Variants in TCF19 observed in about 807,000 individuals in gnomAD.
The protein encoded by TCF19 is transcription factor SC1.
Under a neutral mutation model 18.3 loss-of-function variants are expected in TCF19, and 9 were observed. The observed-to-expected ratio is 0.49, with a 90% CI of 0.30 to 0.86. The LOEUF is 0.86. TCF19 is among the 40% of genes least tolerant of loss of function. The pLI, the probability that TCF19 is intolerant of heterozygous loss-of-function variation, is 0.07. For missense variants in TCF19, 376 were observed against 464.3 expected, an observed-to-expected ratio of 0.81 and a Z score of 1.75; for synonymous variants, 176 against 185.3, an observed-to-expected ratio of 0.95 and a Z score of 0.41.
In TCF19 at chr6:31,161,522, G is replaced by T; in HGVS notation, c.314G>T (p.Gly105Val). 6.4e-7 allele frequency: 1 copy of T among 1,556,714 alleles called. No individual in the cohort carries two copies. Among genetic ancestry groups the T allele is most frequent in the South Asian group, 1.2e-5 (1 of 80,870 alleles). ...ELSDGDLLTF[G>V]PEGPPGTSPS... ...AGTGATGGAGACCTCCTGACCTTTG[G>T]CCCTGAAGGGCCCCCAGGAACCAGC... The change falls in exon 3 of 4, where the codon GGC becomes GTC. Residue 105 changes from glycine (G) to valine (V), a missense_variant. By Grantham distance (109) the Gly-to-Val change is moderately radical. Coordinates refer to ENST00000376257, the MANE Select transcript of TCF19 (RefSeq NM_007109.3).
chr6:31,162,130 C>G lies in TCF19; in HGVS notation c.797+125C>G. 1.8e-6 allele frequency: 2 copies of G among 1,117,624 alleles called. No homozygotes were observed. The highest frequency in any genetic ancestry group is 2.5e-6 in the Non-Finnish European group (2 of 806,196). 69.2% of individuals were successfully genotyped at this position (1,117,624 alleles called of 1,614,324 possible). On this transcript the variant is annotated intron_variant, in intron 3 of 3. Transcript: ENST00000376257. This position sits in a 1 kb window ranked among gnomAD's most constrained non-coding sequence, Gnocchi z 4.5. ...ACGGGAGGTGGAATAGATGGAATGG[C>G]AAGACCTGGGTTAGCTCTGATAGGA...
Position 31,162,898 on chromosome 6 carries a change from A to T in TCF19, c.*181A>T, listed in dbSNP as rs1343864221. 15 of 1,414,286 alleles carry T rather than the reference A, an allele frequency of 1.1e-5. No homozygotes were observed. Among genetic ancestry groups the T allele is most frequent in the Non-Finnish European group, 1.2e-5 (13 of 1,089,170 alleles). 87.6% of individuals were successfully genotyped at this position (1,414,286 alleles called of 1,614,324 possible). ...AGCAGACCCTGGTGGCCAAGACAGA[A>T]GAGATGGTTTCCTGCCAAAGATATT... On this transcript the variant is annotated 3_prime_UTR_variant, in exon 4 of 4. Transcript: ENST00000376257. The surrounding 1 kb of genome is among the most constrained non-coding windows in gnomAD (Gnocchi z 4.5).
chr6:31,164,161 T>C lies in TCF19; in HGVS notation c.*1444T>C, dbSNP rs1030761409. 13 of 1,098,428 alleles carry C rather than the reference T, an allele frequency of 1.2e-5. No homozygotes were observed. In the Admixed American group the frequency reaches 2.3e-4, roughly 20 times the overall value. 68.0% of individuals were successfully genotyped at this position (1,098,428 alleles called of 1,614,324 possible). ...GGCAAAAGTTCTTGCATCACAGGCTTTTGGGAACTAGCCTATCACAGGGCC... is the reference window on the plus strand; with the variant it reads ...GGCAAAAGTTCTTGCATCACAGGCTCTTGGGAACTAGCCTATCACAGGGCC... On this transcript the variant is annotated 3_prime_UTR_variant, in exon 4 of 4. Coordinates refer to ENST00000376257, the MANE Select transcript of TCF19 (RefSeq NM_007109.3).
chr6:31,162,092 T>C lies in TCF19; in HGVS notation c.797+87T>C. On this transcript the variant is annotated intron_variant, in intron 3 of 3. Transcript: ENST00000376257. This position sits in a 1 kb window ranked among gnomAD's most constrained non-coding sequence, Gnocchi z 4.5. ...TAGGCTGTGAGGAGGTCCCCCTGCCTGGGGGGATGGGCACGGGAGGTGGAA... is the reference window on the plus strand; with the variant it reads ...TAGGCTGTGAGGAGGTCCCCCTGCCCGGGGGGATGGGCACGGGAGGTGGAA... 1.5e-6 allele frequency: 2 copies of C among 1,376,958 alleles called. No homozygotes were observed. Among genetic ancestry groups the C allele is most frequent in the Non-Finnish European group, 2.0e-6 (2 of 1,022,732 alleles). 85.3% of individuals were successfully genotyped at this position (1,376,958 alleles called of 1,614,324 possible).
chr6:31,159,771 GTCT>G, intron 2 of TCF19, 64 bp downstream of exon 2: 1 of 1,549,368 alleles, frequency 6.5e-7, no homozygotes, highest in East Asian at 2.2e-5. Context: ...AATGAGTAAG[GTCT>G]CCACAAGACC....
At position 31,159,331 on chromosome 6, in the gene TCF19, C is replaced by G. The variant is rs1325031899; in HGVS notation, c.-139C>G. 17 of 802,332 alleles carry G rather than the reference C, an allele frequency of 2.1e-5. No individual in the cohort carries two copies. The highest frequency in any genetic ancestry group is 3.1e-5 in the Non-Finnish European group (16 of 509,062). The allele number at this position is 802,332 out of a possible 1,614,324, so 49.7% of individuals were successfully genotyped here. A position where few individuals can be genotyped will look rare whatever the true frequency, so the allele number is the denominator to read the frequency against. ...ATTTGGGCTATTCAGGTAGTGTGCT[C>G]AAAGTTGAAACCGCATACAGCACAA... On this transcript the variant is annotated 5_prime_UTR_variant, in exon 2 of 4. Coordinates refer to ENST00000376257, the MANE Select transcript of TCF19 (RefSeq NM_007109.3).
Position 31,163,770 on chromosome 6 carries a change from T to C in TCF19, c.*1053T>C, listed in dbSNP as rs1281290032. 1 of 985,324 alleles carries C rather than the reference T, an allele frequency of 1.0e-6. No homozygotes were observed. The highest frequency in any genetic ancestry group is 1.2e-6 in the Non-Finnish European group (1 of 829,960). 61.0% of individuals were successfully genotyped at this position (985,324 alleles called of 1,614,324 possible). On this transcript the variant is annotated 3_prime_UTR_variant, in exon 4 of 4. Coordinates refer to ENST00000376257, the MANE Select transcript of TCF19 (RefSeq NM_007109.3). ...ATAGAAATAAAGCCTTATCTTGACC[T>C]GTTCTATTAAAACCTGCCACACCCG... is the stretch of plus-strand genomic sequence containing the variant.
At position 31,158,889 on chromosome 6, in the gene TCF19, G is replaced by T. The variant is rs1776516207; in HGVS notation, c.-573-8G>T. On this transcript the variant is annotated splice_region_variant and splice_polypyrimidine_tract_variant and intron_variant, in intron 1 of 3. Coordinates refer to ENST00000376257, the MANE Select transcript of TCF19 (RefSeq NM_007109.3). Reference sequence around the variant, plus strand: ...GACTCGTTTGCACTTTCTTTTGGGGGATGACAGTGGATTCATTGCCCTCGG... The same window carrying T: ...GACTCGTTTGCACTTTCTTTTGGGGTATGACAGTGGATTCATTGCCCTCGG... 6.6e-6 allele frequency: 1 copy of T among 152,466 alleles called. No homozygotes were observed. 9.4% of individuals were successfully genotyped at this position (152,466 alleles called of 1,614,324 possible). A position where few individuals can be genotyped will look rare whatever the true frequency, so the allele number is the denominator to read the frequency against.
Position 31,159,644 on chromosome 6 carries a change from G to T in TCF19, c.175G>T (p.Glu59Ter), listed in dbSNP as rs371294185. The part of the protein sequence containing the change: ...EPGLISGIHA[E>*]LHAEPRGDDW... ...TGGCCTCATCTCTGGGATCCACGCCGAACTGCATGCCGAGCCCCGGGGTGA... is the reference window on the plus strand; with the variant it reads ...TGGCCTCATCTCTGGGATCCACGCCTAACTGCATGCCGAGCCCCGGGGTGA... The change falls in exon 2 of 4, where the codon GAA becomes TAA. Residue 59 changes from glutamate (E) to a stop codon, truncating the protein, a stop_gained. Transcript: ENST00000376257. LOFTEE classifies it high-confidence loss of function. The T allele has an allele frequency of 9.2e-5, 148 of 1,614,024 alleles. No homozygotes were observed. Among genetic ancestry groups the T allele is most frequent in the Admixed American group, 4.5e-4 (27 of 60,030 alleles).
Position 31,162,304 on chromosome 6 carries a change from T to G in TCF19, c.798-173T>G, listed in dbSNP as rs1305971649. Among the ~76,000 whole-genome samples the G allele has an allele frequency of 6.6e-6, 1 of 152,110 alleles. No homozygotes were observed. Among genetic ancestry groups the G allele is most frequent in the African/African-American group, 2.4e-5 (1 of 41,418 alleles). ...GGATGGGGAACTTTCAGGCTCATAC[T>G]AGAGGTTTTTAGGCCCACCCTATGT... is the stretch of plus-strand genomic sequence containing the variant. On this transcript the variant is annotated intron_variant, in intron 3 of 3. Coordinates refer to ENST00000376257, the MANE Select transcript of TCF19 (RefSeq NM_007109.3). The surrounding 1 kb of genome is among the most constrained non-coding windows in gnomAD (Gnocchi z 4.5).
rs1561840951 is a variant in TCF19, at chr6:31,159,563, C to G, written c.94C>G (p.Arg32Gly). ...HPPAGAGCTY[R>G]LGHRADLCDV... ...CCCCGCCGGGGCTGGCTGCACCTAT[C>G]GCTTGGGCCACAGGGCCGACCTGTG... Residue 32 changes from arginine to glycine, a missense_variant, in exon 2 of 4, where the codon CGC becomes GGC. By Grantham distance (125) the Arg-to-Gly change is moderately radical (BLOSUM62 -2). Coordinates refer to ENST00000376257, the MANE Select transcript of TCF19 (RefSeq NM_007109.3). 1.2e-6 allele frequency: 2 copies of G among 1,611,596 alleles called. No homozygotes were observed. The highest frequency in any genetic ancestry group is 1.1e-5 in the South Asian group (1 of 90,818).
Position 31,163,324 on chromosome 6 carries a change from T to C in TCF19, c.*607T>C. On this transcript the variant is annotated 3_prime_UTR_variant, in exon 4 of 4. Transcript: ENST00000376257. Reference sequence around the variant, plus strand: ...TGCTTGGCAAGGTCTGGAGAACTAATTCAGAATCTTAGGGGAAGGGGAGAG... The same window carrying C: ...TGCTTGGCAAGGTCTGGAGAACTAACTCAGAATCTTAGGGGAAGGGGAGAG... 1.0e-6 allele frequency: 1 copy of C among 986,044 alleles called. No individual in the cohort carries two copies. The highest frequency in any genetic ancestry group is 1.2e-6 in the Non-Finnish European group (1 of 830,392). 61.1% of individuals were successfully genotyped at this position (986,044 alleles called of 1,614,324 possible).
chr6:31,159,497 A>T lies in TCF19; in HGVS notation c.28A>T (p.Ile10Leu). 6.3e-7 allele frequency: 1 copy of T among 1,585,994 alleles called. No individual in the cohort carries two copies. The highest frequency in any genetic ancestry group is 8.6e-7 in the Non-Finnish European group (1 of 1,166,838). MLPCFQLLR[I>L]GGGRGGDLYT... is the part of the protein sequence containing the mutation. ...GCTGCCCTGCTTCCAACTGCTGCGC[A>T]TAGGGGGCGGCAGGGGCGGTGATCT... is the stretch of plus-strand genomic sequence containing the variant. Residue 10 changes from isoleucine to leucine, a missense_variant, in exon 2 of 4, where the codon ATA becomes TTA. By Grantham distance (5) the Ile-to-Leu change is conservative. Transcript: ENST00000376257.
chr6:31,159,728 CT>C, intron 2 of TCF19, 21 bp downstream of exon 2: 1 of 1,612,648 alleles, frequency 6.2e-7, no homozygotes, highest in Admixed American at 1.7e-5. Flanking sequence ...AGCAGGGCAG[CT>C]TTGCCCCTGG....
rs1776772068 is a variant in TCF19, at chr6:31,161,507, ACCT to A, written c.303_305del (p.Leu102del). The A allele has an allele frequency of 6.6e-7, 1 of 1,510,560 alleles. No homozygotes were observed. The allele number at this position is 1,510,560 out of a possible 1,614,324, so 93.6% of individuals were successfully genotyped here. On this transcript the variant is annotated inframe_deletion, in exon 3 of 4. Transcript: ENST00000376257. ...CACAGGCTGGAATTGAGTGATGGAG[ACCT>A]CCTGACCTTTGGCCCTGAAGGGCCC...
At position 31,158,646 on chromosome 6, in the gene TCF19, G is replaced by A. The variant is rs1776481625; in HGVS notation, c.-650G>A. 1 of 152,278 alleles carries A rather than the reference G, an allele frequency of 6.6e-6. No homozygotes were observed. The highest frequency in any genetic ancestry group is 2.4e-5 in the African/African-American group (1 of 41,478). The allele number at this position is 152,278 out of a possible 1,614,324, so 9.4% of individuals were successfully genotyped here. On this transcript the variant is annotated 5_prime_UTR_variant, in exon 1 of 4. Transcript: ENST00000376257. ...CAGCAACGTCGGCTCCTGCCGAGGA[G>A]CCCAAGGGGTCCCGGGATCCGCCGC...
At position 31,159,370 on chromosome 6, in the gene TCF19, C is replaced by T. The variant is rs1412442409; in HGVS notation, c.-100C>T. 3 of 1,114,708 alleles carry T rather than the reference C, an allele frequency of 2.7e-6. No individual in the cohort carries two copies. The African/African-American group carries it at 4.7e-5, about 18-fold the overall frequency. The allele number at this position is 1,114,708 out of a possible 1,614,324, so 69.1% of individuals were successfully genotyped here. A position where few individuals can be genotyped will look rare whatever the true frequency, so the allele number is the denominator to read the frequency against. ...CATACAGCACAACTCAAGTTTGCAT[C>T]AGACTGGGAAGCGAACTTAAGCCAG... is the stretch of plus-strand genomic sequence containing the variant. On this transcript the variant is annotated 5_prime_UTR_variant, in exon 2 of 4. Coordinates refer to ENST00000376257, the MANE Select transcript of TCF19 (RefSeq NM_007109.3).
Position 31,162,510 on chromosome 6 carries a change from G to A in TCF19, c.831G>A (p.Val277=), listed in dbSNP as rs751763874. ...GTGGCCGTCCTCGGAAGTACCCAGT[G>A]AGCGCTCCCATGGCTCCCCCTGCAG... is the stretch of plus-strand genomic sequence containing the variant. The part of the protein sequence containing the change: ...NRRGRPRKYP[V]SAPMAPPAVG... The change falls in exon 4 of 4, where the codon GTG becomes GTA. Residue 277 remains valine (V), a synonymous_variant. Coordinates refer to ENST00000376257, the MANE Select transcript of TCF19 (RefSeq NM_007109.3). This position sits in a 1 kb window ranked among gnomAD's most constrained non-coding sequence, Gnocchi z 4.5. 79 of 1,612,304 alleles carry A rather than the reference G, an allele frequency of 4.9e-5. No homozygotes were observed. The highest frequency in any genetic ancestry group is 1.6e-4 in the Middle Eastern group (1 of 6,084).
rs1246745247 is a variant in TCF19 at position 31,161,657 on chromosome 6, G to A, written c.449G>A (p.Arg150Gln). 9.8e-6 allele frequency: 15 copies of A among 1,527,040 alleles called. No homozygotes were observed. Among genetic ancestry groups the A allele is most frequent in the East Asian group, 2.3e-5 (1 of 43,834 alleles). The allele number at this position is 1,527,040 out of a possible 1,614,324, so 94.6% of individuals were successfully genotyped here. The change falls in exon 3 of 4, where the codon CGG (arginine) becomes CAG (glutamine). Residue 150 changes from arginine (R) to glutamine (Q), a missense_variant. Physicochemically the swap from Arg to Gln is conservative, Grantham distance 43. Coordinates refer to ENST00000376257, the MANE Select transcript of TCF19 (RefSeq NM_007109.3). Reference sequence around the variant, plus strand: ...GAAGCCCGGGTTGGGGCTGGTTTCCGGCCTATGCTGCCCTCCCAGGGGGCT... The same window carrying A: ...GAAGCCCGGGTTGGGGCTGGTTTCCAGCCTATGCTGCCCTCCCAGGGGGCT... ...RGEARVGAGFRPMLPSQGAPQ... is the reference protein window; with the variant it reads ...RGEARVGAGFQPMLPSQGAPQ...
Sources: allele counts gnomAD v4.1 joint callset (sites outside exome capture counted in the v4.1 genomes callset), GRCh38; gene constraint gnomAD v4.1.1; non-coding constraint Gnocchi (gnomAD v3.1); transcripts MANE v1.5; gene names NCBI Gene and HGNC (gene_info 2026-07-23, HGNC 2026-07-21).